The following CHST9 variants were observed in gnomAD, a reference collection of about 807,000 sequenced individuals.
The protein encoded by CHST9 is carbohydrate sulfotransferase 9, also known as GalNAc-4-sulfotransferase 2.
Under a neutral mutation model 44.4 loss-of-function variants are expected in CHST9, and 41 were observed. The observed-to-expected ratio is 0.92, with a 90% CI of 0.72 to 1.20. The LOEUF (loss-of-function observed/expected upper bound fraction) is 1.20. Among genes scored for constraint, CHST9 ranks in the 50% most tolerant of loss-of-function variants. The pLI, the probability that CHST9 is intolerant of heterozygous loss-of-function variation, is 0.00. For synonymous variants in CHST9, 171 were observed against 178.4 expected (o/e 0.96, Z 0.33); for missense variants, 504 against 516.5 (o/e 0.98, Z 0.23).
At chr18:27,065,819 G>C (rs1036428277) in intron 2 of CHST9, among the ~76,000 whole-genome samples, 1 of 152,086 alleles carries the variant, frequency 6.6e-6, no homozygotes, top group African/African-American at 2.4e-5. Context: ...GCATTATGTT[G>C]GACCCCATTC....
At chr18:27,097,749 T>C (rs1028707089) in intron 2 of CHST9, among the ~76,000 whole-genome samples, 4 of 152,252 alleles carry the variant, frequency 2.6e-5, no homozygotes, top group Admixed American at 2.0e-4. Flanking sequence ...CATCTTGAGT[T>C]AATTTTTGTA....
At chr18:27,138,884 GA>G (rs199881017) in intron 2 of CHST9, among the ~76,000 whole-genome samples, 11 of 146,288 alleles carry the variant, frequency 7.5e-5, no homozygotes, top group East Asian at 2.0e-4. Context: ...TAACAACTAC[GA>G]AAAAAAAAAC....
In CHST9 at chr18:27,068,178, A is replaced by G. The variant is rs115436343; in HGVS notation, c.122-19675T>C. Among the ~76,000 whole-genome samples, 893 of 152,282 alleles carry G rather than the reference A, an allele frequency of 5.9e-3. 15 individuals are homozygous for G. Among genetic ancestry groups the G allele is most frequent in the Middle Eastern group, 0.024 (7 of 294 alleles). On this transcript the variant is annotated intron_variant, in intron 2 of 5. Coordinates refer to ENST00000618847, the MANE Select transcript of CHST9 (RefSeq NM_031422.6). ...GAGAGATAGAGTAATTTTGAAAACT[A>G]TGATTGCTCCTCTGTCCTTCCCATT...
chr18:27,051,528 A>G (rs1234840174), intron 2 of CHST9, among the ~76,000 whole-genome samples: 1 of 152,140 alleles, frequency 6.6e-6, no homozygotes, highest in East Asian at 1.9e-4. Flanking sequence ...GCCTATGGAG[A>G]GGTCCATGTG....
At chr18:26,945,866 C>T (rs2145120133) in intron 4 of CHST9, among the ~76,000 whole-genome samples, 1 of 152,206 alleles carries the variant, frequency 6.6e-6, no homozygotes, top group African/African-American at 2.4e-5. Flanking sequence ...AAAGATGTCC[C>T]AAGTGAAACT....
chr18:27,098,373 T>C (rs2143740876), intron 2 of CHST9, among the ~76,000 whole-genome samples: 1 of 151,986 alleles, frequency 6.6e-6, no homozygotes, highest in African/African-American at 2.4e-5. Flanking sequence ...ATTAATTCAA[T>C]CATAGTGGAA....
intron 1 of CHST9, among the ~76,000 whole-genome samples, chr18:27,176,031 T>C (rs1402394877): frequency 6.6e-6 from 1 of 151,998 alleles, no homozygotes; most frequent in Middle Eastern, 3.2e-3. Context: ...TAGAGAATGC[T>C]TGAGTTTGTG....
chr18:27,105,081 T>C (rs1432848871), intron 2 of CHST9, among the ~76,000 whole-genome samples: 2 of 152,118 alleles, frequency 1.3e-5, no homozygotes, highest in Non-Finnish European at 2.9e-5. Flanking sequence ...CCTTTCTTCT[T>C]TTTCTTTCTT....
intron 2 of CHST9, among the ~76,000 whole-genome samples, chr18:27,063,969 C>G (rs571869418): frequency 2.7e-4 from 41 of 151,924 alleles, no homozygotes; most frequent in Non-Finnish European, 5.3e-4. Flanking sequence ...GAAGCCAATC[C>G]CAAATGTGCA....
At position 27,037,886 on chromosome 18, in the gene CHST9, C is replaced by T. The variant is rs190297476; in HGVS notation, c.160+10579G>A. Among the ~76,000 whole-genome samples, 469 of 151,758 alleles carry T rather than the reference C, an allele frequency of 3.1e-3. 2 individuals are homozygous for T. Among genetic ancestry groups the T allele is most frequent in the Non-Finnish European group, 5.5e-3 (375 of 67,960 alleles). On this transcript the variant is annotated intron_variant, in intron 3 of 5. Coordinates refer to ENST00000618847, the MANE Select transcript of CHST9 (RefSeq NM_031422.6). The stretch of plus-strand genomic sequence containing the variant: ...AGCTCTCAAGGTCTTTGACTACTGC[C>T]AATTCTCAAGCCATTCAGATAAGAA...
At chr18:27,099,877 T>C (rs1175530360) in intron 2 of CHST9, among the ~76,000 whole-genome samples, 1 of 152,162 alleles carries the variant, frequency 6.6e-6, no homozygotes, top group Non-Finnish European at 1.5e-5. Flanking sequence ...CATTACTGGC[T>C]ATATACCCAA....
chr18:26,956,326 A>ATAT lies in CHST9; in HGVS notation c.203-11961_203-11960insATA, dbSNP rs1555671796. Reference sequence around the variant, plus strand: ...GACTCTGTCTCAAAAAAAAAAAAAAAATATATATATATATATATACACACA... The same window carrying ATAT: ...GACTCTGTCTCAAAAAAAAAAAAAAATATATATATATATATATATATACACACA... On this transcript the variant is annotated intron_variant, in intron 4 of 5. Transcript: ENST00000618847. 7.6e-3 allele frequency among the ~76,000 whole-genome samples: 957 copies of ATAT among 125,558 alleles called. 11 individuals carry two copies. The highest frequency in any genetic ancestry group is 0.025 in the African/African-American group (778 of 31,100). The allele number at this position is 125,558 out of a possible 152,430, so 82.4% of individuals were successfully genotyped here.
chr18:26,945,805 A>G (rs775624636), intron 4 of CHST9, among the ~76,000 whole-genome samples: 3 of 152,228 alleles, frequency 2.0e-5, no homozygotes, highest in African/African-American at 4.8e-5. Flanking sequence ...GCTGGGTTAT[A>G]TAATAGTTGT....
intron 1 of CHST9, among the ~76,000 whole-genome samples, chr18:27,169,743 A>G (rs2058819825): frequency 6.6e-6 from 1 of 151,540 alleles, no homozygotes; most frequent in Non-Finnish European, 1.5e-5. Flanking sequence ...AGCAGCTGGG[A>G]CTACAGGCAC....
chr18:26,968,045 C>T (rs1324448022), intron 4 of CHST9, among the ~76,000 whole-genome samples: 2 of 152,230 alleles, frequency 1.3e-5, no homozygotes, highest in Admixed American at 1.3e-4. Context: ...ATTGGCTTCC[C>T]TGCTTTCGAG....
intron 3 of CHST9, among the ~76,000 whole-genome samples, chr18:27,046,776 C>A (rs962331997): frequency 7.2e-5 from 11 of 151,956 alleles, no homozygotes; most frequent in African/African-American, 2.4e-4. Context: ...TGATTAGGAG[C>A]CCCCTAACAT....
chr18:27,024,626 G>A (rs979376516), intron 3 of CHST9, among the ~76,000 whole-genome samples: 17 of 152,218 alleles, frequency 1.1e-4, no homozygotes, highest in Admixed American at 5.9e-4. Context: ...AGATAGAGAT[G>A]CCATGTACAG....
In CHST9 at chr18:26,987,235, T is replaced by C. The variant is rs146631310; in HGVS notation, c.202+36881A>G. Among the ~76,000 whole-genome samples the C allele has an allele frequency of 2.7e-4, 41 of 152,302 alleles. No individual in the cohort carries two copies. In the South Asian group the frequency reaches 3.9e-3, roughly 15 times the overall value. ...GGATTAGTTCTAGGGAGAGTAGTTA[T>C]ATAACCAAGACATCCCTTAGGTTTT... On this transcript the variant is annotated intron_variant, in intron 4 of 5. Transcript: ENST00000618847.
chr18:26,916,255 C>A lies in CHST9; in HGVS notation c.*4G>T. ...TATACAGGGTTTTAGAAAATGAATG[C>A]AAACTACAAAAATGGAGTTGTATAA... On this transcript the variant is annotated 3_prime_UTR_variant, in exon 6 of 6. Transcript: ENST00000618847. 6.6e-7 allele frequency: 1 copy of A among 1,525,712 alleles called. No homozygotes were observed. The highest frequency in any genetic ancestry group is 9.0e-7 in the Non-Finnish European group (1 of 1,112,838). 94.5% of individuals were successfully genotyped at this position (1,525,712 alleles called of 1,614,324 possible). A position where few individuals can be genotyped will look rare whatever the true frequency, so the allele number is the denominator to read the frequency against.
Sources: gnomAD v4.1 joint callset for allele counts (sites outside exome capture counted in the v4.1 genomes callset) on GRCh38, gnomAD v4.1.1 for gene constraint, MANE v1.5 for transcripts, NCBI Gene and HGNC (gene_info 2026-07-23, HGNC 2026-07-21) for gene names.